Variants in SPOCK1 observed in about 807,000 individuals in gnomAD.
The protein encoded by SPOCK1 is SPARC (osteonectin), cwcv and kazal like domains proteoglycan 1.
Under a neutral mutation model 55.3 loss-of-function variants are expected in SPOCK1, and 23 were observed. That is an observed-to-expected ratio of 0.42 (90% CI 0.30 to 0.59). The LOEUF is 0.59. SPOCK1 is among the 20% of genes least tolerant of loss of function. The pLI, the probability that SPOCK1 is intolerant of heterozygous loss-of-function variation, is 0.22. For synonymous variants in SPOCK1, 226 were observed against 221.0 expected (o/e 1.02, Z -0.20); for missense variants, 499 against 552.5 (o/e 0.90, Z 0.97).
chr5:137,175,131 T>C (rs1754830538), intron 3 of SPOCK1, among the ~76,000 whole-genome samples: 1 of 152,108 alleles, frequency 6.6e-6, no homozygotes, highest in Admixed American at 6.5e-5. Flanking sequence ...GACAAATTAC[T>C]ATGGAAATGA....
intron 6 of SPOCK1, among the ~76,000 whole-genome samples, chr5:137,007,823 T>C (rs1751279441): frequency 6.6e-6 from 1 of 152,072 alleles, no homozygotes; most frequent in African/African-American, 2.4e-5. Flanking sequence ...CATTCTACTA[T>C]AAAGACACAG....
At chr5:137,122,240 TACACACACACACACACGCAC>T (rs1296554699) in intron 4 of SPOCK1, among the ~76,000 whole-genome samples, 5 of 132,956 alleles carry the variant, frequency 3.8e-5, no homozygotes, top group Non-Finnish European at 8.1e-5. Flanking sequence ...AAAGCAGTTA[TACACACACACACACACGCAC>T]ACACACACAC....
At chr5:137,119,923 C>T (rs1753655987) in intron 4 of SPOCK1, among the ~76,000 whole-genome samples, 1 of 152,188 alleles carries the variant, frequency 6.6e-6, no homozygotes, top group Admixed American at 6.5e-5. Context: ...TGTCCATCTC[C>T]TCCTCTCAAC....
rs138416538 is a variant in SPOCK1 at position 137,139,277 on chromosome 5, G to A, written c.347+1303C>T. ...GGATGCTAGGTCTATTGTTGCAGGTGCCAGGCTTAGAGAGGCCAGAGGGGT... is the reference window on the plus strand; with the variant it reads ...GGATGCTAGGTCTATTGTTGCAGGTACCAGGCTTAGAGAGGCCAGAGGGGT... On this transcript the variant is annotated intron_variant, in intron 4 of 10. Coordinates refer to ENST00000394945, the MANE Select transcript of SPOCK1 (RefSeq NM_004598.4). Among the ~76,000 whole-genome samples the A allele has an allele frequency of 3.3e-5, 5 of 152,272 alleles. No homozygotes were observed. The East Asian group carries it at 9.7e-4, about 29-fold the overall frequency.
chr5:137,377,576 T>G (rs1428691272), intron 2 of SPOCK1, among the ~76,000 whole-genome samples: 1 of 152,268 alleles, frequency 6.6e-6, no homozygotes, highest in Non-Finnish European at 1.5e-5. Flanking sequence ...AATTTGTTCC[T>G]GTTATTTTTT....
chr5:136,994,277 AC>A (rs1751001636), intron 6 of SPOCK1, among the ~76,000 whole-genome samples: 1 of 152,172 alleles, frequency 6.6e-6, no homozygotes, highest in Non-Finnish European at 1.5e-5. Context: ...ATTTTAAAAC[AC>A]CAGCCAGGAA....
intron 3 of SPOCK1, among the ~76,000 whole-genome samples, chr5:137,195,574 G>A (rs963003974): frequency 3.3e-5 from 5 of 152,174 alleles, no homozygotes; most frequent in East Asian, 1.9e-4. Flanking sequence ...TAGGCATGAC[G>A]GCCACCCTAT....
chr5:137,218,350 C>T (rs796727405), intron 3 of SPOCK1, among the ~76,000 whole-genome samples: 7 of 152,308 alleles, frequency 4.6e-5, no homozygotes, highest in African/African-American at 1.7e-4. Context: ...CCAAAGATGA[C>T]CACATCATCA....
intron 2 of SPOCK1, among the ~76,000 whole-genome samples, chr5:137,450,038 C>T (rs1166660596): frequency 6.6e-6 from 1 of 151,150 alleles, no homozygotes; most frequent in Non-Finnish European, 1.5e-5. Flanking sequence ...AGAGTGTGTC[C>T]AAACACACAT....
chr5:137,195,917 C>T (rs1423349552), intron 3 of SPOCK1, among the ~76,000 whole-genome samples: 1 of 152,158 alleles, frequency 6.6e-6, no homozygotes, highest in African/African-American at 2.4e-5. Flanking sequence ...CTTAGAGCTA[C>T]TGTCACAAAG....
chr5:137,416,427 T>C (rs891966781), intron 2 of SPOCK1, among the ~76,000 whole-genome samples: 6 of 152,164 alleles, frequency 3.9e-5, no homozygotes, highest in Admixed American at 6.5e-5. Context: ...TTATATATAT[T>C]AGCTGCTTTT....
At chr5:137,108,841 C>T (rs1305345682) in intron 5 of SPOCK1, among the ~76,000 whole-genome samples, 2 of 152,152 alleles carry the variant, frequency 1.3e-5, no homozygotes, top group Non-Finnish European at 2.9e-5. Flanking sequence ...AAAGGGGTCT[C>T]CCCAATCCTT....
At chr5:137,178,440 GA>G (rs1179840377) in intron 3 of SPOCK1, among the ~76,000 whole-genome samples, 1 of 152,208 alleles carries the variant, frequency 6.6e-6, no homozygotes, top group Non-Finnish European at 1.5e-5. Context: ...CCGGGCATGC[GA>G]TTGCAATCCA....
At chr5:137,462,259 T>G (rs1169997797) in intron 2 of SPOCK1, among the ~76,000 whole-genome samples, 2 of 152,178 alleles carry the variant, frequency 1.3e-5, no homozygotes, top group African/African-American at 2.4e-5. Context: ...CATTTCTCCT[T>G]GACAGCCAGG....
At chr5:137,247,268 A>C (rs1756413901) in intron 3 of SPOCK1, among the ~76,000 whole-genome samples, 1 of 152,148 alleles carries the variant, frequency 6.6e-6, no homozygotes, top group South Asian at 2.1e-4. Flanking sequence ...CCTGGCAAGC[A>C]GCAAGCTCAG....
intron 3 of SPOCK1, among the ~76,000 whole-genome samples, chr5:137,162,100 C>A (rs972837639): frequency 6.6e-6 from 1 of 150,758 alleles, no homozygotes; most frequent in African/African-American, 2.4e-5. Context: ...ATCAATGTAC[C>A]ATTCCCATTT....
At chr5:137,063,532 T>C (rs867917261) in intron 6 of SPOCK1, among the ~76,000 whole-genome samples, 4 of 151,988 alleles carry the variant, frequency 2.6e-5, no homozygotes, top group African/African-American at 7.3e-5. Flanking sequence ...CACTAGGAGA[T>C]TGGAAGAGAG....
At chr5:137,291,021 G>T (rs966844841) in intron 2 of SPOCK1, among the ~76,000 whole-genome samples, 1 of 152,206 alleles carries the variant, frequency 6.6e-6, no homozygotes. Context: ...AAGCACAGAG[G>T]AATTTGGGGG....
intron 5 of SPOCK1, among the ~76,000 whole-genome samples, chr5:137,096,581 C>T (rs1753150580): frequency 6.6e-6 from 1 of 152,216 alleles, no homozygotes; most frequent in African/African-American, 2.4e-5. Context: ...ATCTCAACTA[C>T]TCAGGAAAAG....
Sources: gnomAD v4.1 joint callset for allele counts (sites outside exome capture counted in the v4.1 genomes callset) on GRCh38, gnomAD v4.1.1 for gene constraint, MANE v1.5 for transcripts, NCBI Gene and HGNC (gene_info 2026-07-23, HGNC 2026-07-21) for gene names.